Variants in WWOX observed in about 807,000 individuals in gnomAD.
WWOX encodes the protein WW domain-containing oxidoreductase.
Under a neutral mutation model 46.2 loss-of-function variants are expected in WWOX, and 69 were observed. The observed-to-expected ratio is 1.49, with a 90% CI of 1.23 to 1.82. The LOEUF (loss-of-function observed/expected upper bound fraction) is 1.82, where lower values mean the gene tolerates loss of function less well. WWOX is among the 40% of genes most tolerant of loss of function. The pLI is 0.00. For synonymous variants in WWOX, 359 were observed against 202.6 expected (o/e 1.77, Z -6.56); for missense variants, 919 against 542.6 (o/e 1.69, Z -6.89).
intron 8 of WWOX, among the ~76,000 whole-genome samples, chr16:78,742,114 A>G (rs1344500530): frequency 6.6e-6 from 1 of 152,176 alleles, no homozygotes; most frequent in Non-Finnish European, 1.5e-5. Flanking sequence ...TTTATCTTTT[A>G]TCTCAACCCA....
intron 8 of WWOX, among the ~76,000 whole-genome samples, chr16:79,070,957 T>C (rs1167019992): frequency 6.6e-6 from 1 of 152,186 alleles, no homozygotes; most frequent in Non-Finnish European, 1.5e-5. Context: ...GGTGGTTTCT[T>C]ACTATGTCCC....
intron 8 of WWOX, among the ~76,000 whole-genome samples, chr16:78,511,453 G>C (rs755779476): frequency 3.2e-4 from 49 of 152,210 alleles, no homozygotes; most frequent in Non-Finnish European, 2.8e-4. Flanking sequence ...TTGCAGGCAC[G>C]TTGAATGTGA....
intron 8 of WWOX, among the ~76,000 whole-genome samples, chr16:78,541,527 T>G (rs2043895251): frequency 6.8e-6 from 1 of 147,280 alleles, no homozygotes; most frequent in South Asian, 2.2e-4. Context: ...CAGACAAATG[T>G]TCTGACAGAA....
At chr16:78,738,749 C>T (rs1238476750) in intron 8 of WWOX, among the ~76,000 whole-genome samples, 11 of 152,122 alleles carry the variant, frequency 7.2e-5, no homozygotes, top group Non-Finnish European at 7.3e-5. Context: ...CGAACAGAGG[C>T]TGCAGCTGGT....
chr16:78,767,554 C>G (rs1329328331), intron 8 of WWOX, among the ~76,000 whole-genome samples: 3 of 152,032 alleles, frequency 2.0e-5, no homozygotes, highest in South Asian at 2.1e-4. Context: ...CTATTCAGAT[C>G]TCTGCTTTCG....
chr16:78,846,757 A>G (rs1391855930), intron 8 of WWOX, among the ~76,000 whole-genome samples: 2 of 152,116 alleles, frequency 1.3e-5, no homozygotes, highest in Non-Finnish European at 2.9e-5. Context: ...TCAAATTTTC[A>G]TCCATTAATT....
intron 8 of WWOX, among the ~76,000 whole-genome samples, chr16:78,778,164 G>C (rs1597594165): frequency 6.6e-6 from 1 of 151,986 alleles, no homozygotes; most frequent in South Asian, 2.1e-4. Flanking sequence ...AAGTCACACA[G>C]TTAGCTTTAT....
At chr16:78,374,094 A>G (rs1363218682) in intron 5 of WWOX, among the ~76,000 whole-genome samples, 1 of 152,180 alleles carries the variant, frequency 6.6e-6, no homozygotes, top group East Asian at 1.9e-4. Flanking sequence ...GCCACCAGGC[A>G]TATTTTGGAA....
chr16:78,243,559 T>C (rs1306219656), intron 5 of WWOX, among the ~76,000 whole-genome samples: 1 of 152,058 alleles, frequency 6.6e-6, no homozygotes, highest in Non-Finnish European at 1.5e-5. Flanking sequence ...GTTTCCTTCT[T>C]TTTTTGAGAC....
chr16:78,420,269 A>G (rs1257882533), intron 6 of WWOX, among the ~76,000 whole-genome samples: 1 of 152,198 alleles, frequency 6.6e-6, no homozygotes, highest in East Asian at 1.9e-4. Context: ...TCCTAGATGT[A>G]TCTTGAAGAG....
At chr16:78,630,081 T>C (rs1597371062) in intron 8 of WWOX, among the ~76,000 whole-genome samples, 1 of 152,296 alleles carries the variant, frequency 6.6e-6, no homozygotes, top group Non-Finnish European at 1.5e-5. Flanking sequence ...TTTTAGTCTA[T>C]TTCATTGAAA....
At chr16:78,586,276 G>A (rs2045205041) in intron 8 of WWOX, among the ~76,000 whole-genome samples, 1 of 152,152 alleles carries the variant, frequency 6.6e-6, no homozygotes, top group African/African-American at 2.4e-5. Context: ...CAGCCTGGGT[G>A]ACAGAGCAAG....
chr16:78,929,650 G>A lies in WWOX; in HGVS notation c.1057-281958G>A, dbSNP rs532505660. 2.1e-4 allele frequency among the ~76,000 whole-genome samples: 32 copies of A among 152,262 alleles called. 1 individual carries two copies. The highest frequency in any genetic ancestry group is 3.9e-4 in the Admixed American group (6 of 15,280). The stretch of plus-strand genomic sequence containing the variant: ...TGCTTCTATTTCTGGGGTTGGGATG[G>A]CGACTAAAGACCCGCGTGGACTGCA... On this transcript the variant is annotated intron_variant, in intron 8 of 8. Coordinates refer to ENST00000566780, the MANE Select transcript of WWOX (RefSeq NM_016373.4).
intron 8 of WWOX, among the ~76,000 whole-genome samples, chr16:79,174,867 C>A (rs937240983): frequency 6.6e-6 from 1 of 152,118 alleles, no homozygotes; most frequent in Non-Finnish European, 1.5e-5. Context: ...ACTTATTGAG[C>A]CTTTACTAGA....
At chr16:78,958,847 C>T (rs543733969) in intron 8 of WWOX, among the ~76,000 whole-genome samples, 41 of 152,196 alleles carry the variant, frequency 2.7e-4, no homozygotes, top group Non-Finnish European at 4.7e-4. Context: ...TTTTAAAATT[C>T]TTCCTTTGAT....
chr16:78,505,100 G>T (rs947579011), intron 8 of WWOX, among the ~76,000 whole-genome samples: 7 of 152,124 alleles, frequency 4.6e-5, no homozygotes, highest in Admixed American at 1.3e-4. Flanking sequence ...AAGCACAATA[G>T]GGTTTAGAGC....
At chr16:78,181,389 A>G (rs575851400) in intron 5 of WWOX, among the ~76,000 whole-genome samples, 1 of 152,330 alleles carries the variant, frequency 6.6e-6, no homozygotes, top group South Asian at 2.1e-4. Flanking sequence ...TTAATCAGAA[A>G]GAAATTGTCT....
chr16:79,162,275 C>T (rs1170678006), intron 8 of WWOX, among the ~76,000 whole-genome samples: 2 of 152,200 alleles, frequency 1.3e-5, no homozygotes, highest in African/African-American at 2.4e-5. Flanking sequence ...GCCTCTGTGA[C>T]AGATTCTGGG....
intron 8 of WWOX, among the ~76,000 whole-genome samples, chr16:78,888,809 A>AT (rs60457278): frequency 2.3e-4 from 35 of 150,846 alleles, no homozygotes; most frequent in South Asian, 1.7e-3. Flanking sequence ...GAGGATATTG[A>AT]TTTTTTTTTT....
Sources: gnomAD v4.1 joint callset for allele counts (sites outside exome capture counted in the v4.1 genomes callset) on GRCh38, gnomAD v4.1.1 for gene constraint, MANE v1.5 for transcripts, NCBI Gene and HGNC (gene_info 2026-07-23, HGNC 2026-07-21) for gene names.